The following UBE3B variants were observed in gnomAD, a reference collection of about 807,000 sequenced individuals.
UBE3B encodes ubiquitin protein ligase E3B, also known as ubiquitin-protein ligase E3B.
A neutral mutation model predicts 132.3 loss-of-function variants in UBE3B; 80 were observed. The ratio of observed to expected loss-of-function variants is 0.60; its 90% CI spans 0.50 to 0.73. UBE3B has a LOEUF of 0.73. Ranked by LOEUF, UBE3B falls within the 30% of genes least tolerant of loss-of-function variation. The probability of loss-of-function intolerance (pLI) is 0.00; values close to 1 mark genes in which losing one functional copy is unlikely to be tolerated. For synonymous variants in UBE3B, 487 were observed against 520.4 expected, an observed-to-expected ratio of 0.94 and a Z score of 0.87; for missense variants, 1,196 against 1,362.5, an observed-to-expected ratio of 0.88 and a Z score of 1.92.
intron 16 of UBE3B, 101 bp from the exon 17 acceptor site, chr12:109,510,243 A>G (rs1039275131): frequency 1.1e-5 from 10 of 910,828 alleles, no homozygotes; most frequent in Admixed American, 2.3e-5. Flanking sequence ...AGAGCGAGGG[A>G]GATCAAGGAC....
At chr12:109,531,430 C>T (rs1191032601) in intron 26 of UBE3B, among the ~76,000 whole-genome samples, 1 of 152,166 alleles carries the variant, frequency 6.6e-6, no homozygotes, top group Non-Finnish European at 1.5e-5. Flanking sequence ...TCATTTCCCA[C>T]CAGCCTTCCT....
At chr12:109,502,503 ACT>A (rs1037021227) in intron 13 of UBE3B, among the ~76,000 whole-genome samples, 2 of 152,030 alleles carry the variant, frequency 1.3e-5, no homozygotes, top group Non-Finnish European at 2.9e-5. Context: ...GTGTTGCAAA[ACT>A]CTGTCTCATA....
chr12:109,484,105 C>CT lies in UBE3B; in HGVS notation c.282+128dup, dbSNP rs1206985645. The CT allele has an allele frequency of 4.2e-5, 45 of 1,064,720 alleles. No homozygotes were observed. The African/African-American group carries it at 7.1e-4, about 17-fold the overall frequency. 66.0% of individuals were successfully genotyped at this position (1,064,720 alleles called of 1,614,324 possible). On this transcript the variant is annotated intron_variant, in intron 4 of 27. Coordinates refer to ENST00000342494, the MANE Select transcript of UBE3B (RefSeq NM_130466.4). ...TTACTGTCACCCTCACATCCTGTCC[C>CT]TTTTGTTTTCTTGGGACCTGTTTTG...
intron 8 of UBE3B, chr12:109,490,306 C>G (rs1464991342): frequency 1.5e-6 from 2 of 1,302,184 alleles, no homozygotes; most frequent in Non-Finnish European, 2.1e-6. Context: ...CAGATTCCTT[C>G]TTGGTTGATG....
intron 25 of UBE3B, 111 bp downstream of exon 25, chr12:109,530,183 C>T (rs1882804426): frequency 8.0e-7 from 1 of 1,249,474 alleles, no homozygotes; most frequent in Non-Finnish European, 1.1e-6. Context: ...CTCCAGATCT[C>T]CTTCTCCTCC....
At chr12:109,510,861 T>G (rs963545327) in intron 17 of UBE3B, among the ~76,000 whole-genome samples, 1 of 152,196 alleles carries the variant, frequency 6.6e-6, no homozygotes, top group Non-Finnish European at 1.5e-5. Flanking sequence ...CTATCACAAC[T>G]GAACATAGGC....
chr12:109,487,291 G>T (rs547112776), intron 6 of UBE3B, among the ~76,000 whole-genome samples: 2 of 152,282 alleles, frequency 1.3e-5, no homozygotes, highest in Admixed American at 6.5e-5. Context: ...TTCTGAAAAG[G>T]ATGGACAGGG....
At chr12:109,519,428 T>A (rs1401960400) in intron 19 of UBE3B, 1 of 152,282 alleles carries the variant, frequency 6.6e-6, no homozygotes. Flanking sequence ...AAGAGGCTGG[T>A]GTGGAGCTGA....
intron 6 of UBE3B, among the ~76,000 whole-genome samples, chr12:109,486,901 C>T (rs7298925): frequency 0.1 from 15,662 of 152,100 alleles, 2,013 homozygotes; most frequent in African/African-American, 0.3. Flanking sequence ...AGAAGCCGAA[C>T]GTGAGCACAG....
chr12:109,486,946 C>T (rs1034137587), intron 6 of UBE3B, among the ~76,000 whole-genome samples: 5 of 152,160 alleles, frequency 3.3e-5, no homozygotes, highest in Admixed American at 6.5e-5. Context: ...AGGAAGAGAA[C>T]GTTGTGCTCT....
intron 21 of UBE3B, 129 bp from the exon 22 acceptor site, chr12:109,523,846 GATT>G: frequency 7.6e-7 from 1 of 1,321,456 alleles, no homozygotes; most frequent in Non-Finnish European, 1.0e-6. Flanking sequence ...CTGCCCTCCG[GATT>G]GGAAACTTAG....
intron 18 of UBE3B, among the ~76,000 whole-genome samples, chr12:109,513,826 GGGGAGTATCTAAGGCTT>G (rs1260115194): frequency 6.6e-6 from 1 of 152,110 alleles, no homozygotes; most frequent in Admixed American, 6.5e-5. Context: ...GCAGGTCCTG[GGGGAGTATCTAAGGCTT>G]GGTGTTTTCA....
intron 24 of UBE3B, among the ~76,000 whole-genome samples, chr12:109,527,237 A>T (rs1023573793): frequency 2.0e-5 from 3 of 152,232 alleles, no homozygotes; most frequent in South Asian, 2.1e-4. Context: ...GCTCTGCAGA[A>T]TCTATCATAA....
At chr12:109,514,008 C>G (rs1376595447) in intron 18 of UBE3B, among the ~76,000 whole-genome samples, 3 of 152,202 alleles carry the variant, frequency 2.0e-5, no homozygotes, top group Non-Finnish European at 4.4e-5. Flanking sequence ...TACCATCTGC[C>G]CTAAATGTTG....
At chr12:109,484,328 T>C (rs982537814) in intron 4 of UBE3B, among the ~76,000 whole-genome samples, 95 of 151,886 alleles carry the variant, frequency 6.3e-4, no homozygotes, top group African/African-American at 2.2e-3. Context: ...TCAAAAGGAG[T>C]AGCAGGGTCT....
At chr12:109,545,313 A>T in the UBE3B span, among the ~76,000 whole-genome samples, 1 of 152,194 alleles carries the variant, frequency 6.6e-6, no homozygotes, top group Admixed American at 6.5e-5. Context: ...CAGCCAACAA[A>T]CAGACCCACA....
chr12:109,517,931 C>A (rs1054275020), intron 19 of UBE3B: 3 of 445,522 alleles, frequency 6.7e-6, no homozygotes, highest in African/African-American at 2.0e-5. Flanking sequence ...TGTTTGAGTG[C>A]CCCTGGCCAC....
At position 109,510,288 on chromosome 12, in the gene UBE3B, C is replaced by T. The variant is rs933467351; in HGVS notation, c.1742-56C>T. 41 of 1,371,884 alleles carry T rather than the reference C, an allele frequency of 3.0e-5. No individual in the cohort carries two copies. In the Admixed American group the frequency reaches 3.3e-4, roughly 11 times the overall value. The allele number at this position is 1,371,884 out of a possible 1,614,324, so 85.0% of individuals were successfully genotyped here. Reference sequence around the variant, plus strand: ...ACTGCGGAAGACAAGAGCTGTCCTCCCCTTGCTCTCTGGCTCTGACTCCTC... The same window carrying T: ...ACTGCGGAAGACAAGAGCTGTCCTCTCCTTGCTCTCTGGCTCTGACTCCTC... On this transcript the variant is annotated intron_variant, in intron 16 of 27. Coordinates refer to ENST00000342494, the MANE Select transcript of UBE3B (RefSeq NM_130466.4).
Position 109,535,999 on chromosome 12 carries a change from A to C in UBE3B, c.*1217A>C, listed in dbSNP as rs1034533961. On this transcript the variant is annotated 3_prime_UTR_variant, in exon 28 of 28. Coordinates refer to ENST00000342494, the MANE Select transcript of UBE3B (RefSeq NM_130466.4). ...CCTGCACCACCAAGGTTGATGCCGGATTCGAAGCCAGGAAGGCCCAGTCCC... is the reference window on the plus strand; with the variant it reads ...CCTGCACCACCAAGGTTGATGCCGGCTTCGAAGCCAGGAAGGCCCAGTCCC... 2.6e-5 allele frequency: 4 copies of C among 152,230 alleles called. No individual in the cohort carries two copies. The highest frequency in any genetic ancestry group is 9.7e-5 in the African/African-American group (4 of 41,420). 9.4% of individuals were successfully genotyped at this position (152,230 alleles called of 1,614,324 possible).
Sources: allele counts gnomAD v4.1 joint callset (sites outside exome capture counted in the v4.1 genomes callset), GRCh38; gene constraint gnomAD v4.1.1; transcripts MANE v1.5; gene names NCBI Gene and HGNC (gene_info 2026-07-23, HGNC 2026-07-21).